Variants in GALNTL6 observed in about 807,000 individuals in gnomAD.
GALNTL6 encodes the protein polypeptide N-acetylgalactosaminyltransferase like 6, also known as polypeptide N-acetylgalactosaminyltransferase-like 6.
Under a neutral mutation model 73.7 loss-of-function variants are expected in GALNTL6, and 46 were observed. The observed-to-expected ratio is 0.62, with a 90% confidence interval of 0.49 to 0.80. GALNTL6 has a LOEUF of 0.80. Among genes scored for constraint, GALNTL6 ranks in the 30% least tolerant of loss-of-function variants. The pLI, the probability that GALNTL6 is intolerant of heterozygous loss-of-function variation, is 0.00. For synonymous variants in GALNTL6, 259 were observed against 263.7 expected, an observed-to-expected ratio of 0.98 and a Z score of 0.17; for missense variants, 604 against 755.0, an observed-to-expected ratio of 0.80 and a Z score of 2.34.
chr4:172,365,164 G>A (rs1489349867), intron 5 of GALNTL6, among the ~76,000 whole-genome samples: 1 of 152,204 alleles, frequency 6.6e-6, no homozygotes, highest in African/African-American at 2.4e-5. Flanking sequence ...GTATTTAAGG[G>A]TTTAGGGAGA....
intron 8 of GALNTL6, among the ~76,000 whole-genome samples, chr4:172,905,888 G>C (rs375913931): frequency 1.4e-5 from 2 of 147,336 alleles, no homozygotes; most frequent in African/African-American, 5.0e-5. Flanking sequence ...AACAAAACTG[G>C]AATCTTACCC....
intron 2 of GALNTL6, among the ~76,000 whole-genome samples, chr4:172,047,230 C>T (rs554827782): frequency 2.6e-5 from 4 of 152,220 alleles, no homozygotes; most frequent in South Asian, 2.1e-4. Flanking sequence ...ATTGAGGCAG[C>T]GGCTCTCAAA....
At chr4:172,441,960 A>C in intron 5 of GALNTL6, among the ~76,000 whole-genome samples, 1 of 152,188 alleles carries the variant, frequency 6.6e-6, no homozygotes, top group East Asian at 1.9e-4. Context: ...AGAAATTTCC[A>C]GTCACATTAT....
chr4:171,975,612 C>T (rs567932954), intron 2 of GALNTL6, among the ~76,000 whole-genome samples: 5 of 152,122 alleles, frequency 3.3e-5, no homozygotes, highest in Admixed American at 3.3e-4. Context: ...AAAAGAAAGT[C>T]ATACTGGGTG....
At chr4:171,901,323 T>G (rs1344680983) in intron 2 of GALNTL6, among the ~76,000 whole-genome samples, 1 of 152,150 alleles carries the variant, frequency 6.6e-6, no homozygotes, top group Non-Finnish European at 1.5e-5. Flanking sequence ...ATGCGGTAGC[T>G]GGGCATTAGA....
intron 10 of GALNTL6, among the ~76,000 whole-genome samples, chr4:172,968,488 C>A (rs753121831): frequency 6.6e-6 from 1 of 152,154 alleles, no homozygotes; most frequent in Non-Finnish European, 1.5e-5. Context: ...TCTGGAAAGA[C>A]AGAGACTCAT....
intron 5 of GALNTL6, among the ~76,000 whole-genome samples, chr4:172,804,818 C>T (rs1740858278): frequency 6.6e-6 from 1 of 152,314 alleles, no homozygotes; most frequent in South Asian, 2.1e-4. Flanking sequence ...GTCTCATAGA[C>T]AGTGAACTGT....
At chr4:172,500,382 C>G (rs550026987) in intron 5 of GALNTL6, among the ~76,000 whole-genome samples, 107 of 152,242 alleles carry the variant, frequency 7.0e-4, no homozygotes, top group African/African-American at 2.5e-3. Context: ...AATAGCATCA[C>G]TACACTCCAG....
chr4:172,721,288 A>C (rs1198234436), intron 5 of GALNTL6, among the ~76,000 whole-genome samples: 1 of 152,208 alleles, frequency 6.6e-6, no homozygotes, highest in Non-Finnish European at 1.5e-5. Flanking sequence ...TGGAAACCAA[A>C]TACTTGGAAG....
At chr4:172,240,486 A>T (rs775709752) in intron 3 of GALNTL6, among the ~76,000 whole-genome samples, 4 of 151,472 alleles carry the variant, frequency 2.6e-5, no homozygotes, top group Non-Finnish European at 3.0e-5. Flanking sequence ...CCACCTCAAC[A>T]TCCCAAAGTG....
chr4:172,201,709 G>T (rs942163390), intron 2 of GALNTL6, among the ~76,000 whole-genome samples: 4 of 152,120 alleles, frequency 2.6e-5, no homozygotes, highest in Middle Eastern at 6.3e-3. Context: ...TTGCAAACTA[G>T]TTGAGGCAAT....
intron 2 of GALNTL6, among the ~76,000 whole-genome samples, chr4:172,075,109 C>T (rs999746525): frequency 6.6e-6 from 1 of 151,976 alleles, no homozygotes; most frequent in African/African-American, 2.4e-5. Flanking sequence ...TTTCTAATCG[C>T]CATGTTATAA....
intron 4 of GALNTL6, among the ~76,000 whole-genome samples, chr4:172,319,645 G>C (rs1740687016): frequency 6.6e-6 from 1 of 152,046 alleles, no homozygotes; most frequent in Admixed American, 6.6e-5. Context: ...TAACAAATGT[G>C]CTCTTACCTG....
At chr4:172,730,501 T>A (rs1736080060) in intron 5 of GALNTL6, among the ~76,000 whole-genome samples, 1 of 152,222 alleles carries the variant, frequency 6.6e-6, no homozygotes, top group South Asian at 2.1e-4. Flanking sequence ...ATGGTTTTGT[T>A]CATTCTGTTG....
chr4:171,821,481 A>C (rs1734682539), intron 2 of GALNTL6, among the ~76,000 whole-genome samples: 1 of 152,052 alleles, frequency 6.6e-6, no homozygotes, highest in African/African-American at 2.4e-5. Context: ...TTTAGGCTTA[A>C]AAATTCTGGC....
chr4:172,636,282 A>G lies in GALNTL6; in HGVS notation c.554-173079A>G, dbSNP rs193260010. Among the ~76,000 whole-genome samples the G allele has an allele frequency of 3.3e-4, 51 of 152,332 alleles. No homozygotes were observed. In the East Asian group the frequency reaches 9.8e-3, roughly 29 times the overall value. On this transcript the variant is annotated intron_variant, in intron 5 of 12. Coordinates refer to ENST00000506823, the MANE Select transcript of GALNTL6 (RefSeq NM_001034845.3). The stretch of plus-strand genomic sequence containing the variant: ...TTTATCTTATTGATAACTGCATACC[A>G]CTTTATACTGTAAATAACTGAAAAT...
At chr4:171,831,168 C>G (rs776710206) in intron 2 of GALNTL6, among the ~76,000 whole-genome samples, 4 of 152,044 alleles carry the variant, frequency 2.6e-5, no homozygotes, top group Non-Finnish European at 4.4e-5. Flanking sequence ...ACAACCCCCA[C>G]TCTTTTTAAG....
At chr4:172,373,356 T>G (rs1306916462) in intron 5 of GALNTL6, among the ~76,000 whole-genome samples, 1 of 152,212 alleles carries the variant, frequency 6.6e-6, no homozygotes, top group Non-Finnish European at 1.5e-5. Flanking sequence ...TGGGTACAAC[T>G]GGATATAGAG....
At chr4:172,226,978 T>C (rs1340719711) in intron 2 of GALNTL6, among the ~76,000 whole-genome samples, 1 of 152,226 alleles carries the variant, frequency 6.6e-6, no homozygotes, top group African/African-American at 2.4e-5. Flanking sequence ...ACATTGCCTC[T>C]GTTTTCTTCA....
Sources: gnomAD v4.1 joint callset for allele counts (sites outside exome capture counted in the v4.1 genomes callset) on GRCh38, gnomAD v4.1.1 for gene constraint, MANE v1.5 for transcripts, NCBI Gene and HGNC (gene_info 2026-07-23, HGNC 2026-07-21) for gene names.